NRXN1: variants seen among roughly 807,000 people sequenced by gnomAD.
NRXN1 encodes neurexin 1.
In NRXN1, 39 loss-of-function variants were observed where a neutral mutation model predicts 150.9. That is an observed-to-expected ratio of 0.26 (90% CI 0.20 to 0.34). The LOEUF is 0.34. Ranked by LOEUF, NRXN1 falls within the 10% of genes least tolerant of loss-of-function variation. The pLI, the probability that NRXN1 is intolerant of heterozygous loss-of-function variation, is 1.00. For missense variants in NRXN1, 1,815 were observed against 1,949.9 expected (o/e 0.93, Z 1.30); for synonymous variants, 924 against 757.0 (o/e 1.22, Z -3.62).
chr2:50,221,600 G>A (rs1290191247), intron 18 of NRXN1, among the ~76,000 whole-genome samples: 1 of 151,942 alleles, frequency 6.6e-6, no homozygotes, highest in Non-Finnish European at 1.5e-5. Flanking sequence ...TTAAAAAAAA[G>A]TTCTTTAATT....
intron 12 of NRXN1, among the ~76,000 whole-genome samples, chr2:50,522,387 G>T (rs2092812186): frequency 6.6e-6 from 1 of 152,140 alleles, no homozygotes; most frequent in Admixed American, 6.5e-5. Context: ...CAAGAATGTT[G>T]CATTACTTTG....
rs562807835 is a variant in NRXN1, at chr2:50,021,222, G to A, written c.4128+32049C>T. ...TAGTGCTAATGTGAAATATCTGCTG[G>A]GATTTTTAGTACAGGTTGTTTTTAT... is the stretch of plus-strand genomic sequence containing the variant. On this transcript the variant is annotated intron_variant, in intron 21 of 22. Transcript: ENST00000401669. Among the ~76,000 whole-genome samples the A allele has an allele frequency of 7.9e-5, 12 of 152,176 alleles. No individual in the cohort carries two copies. The South Asian group carries it at 2.5e-3, about 32-fold the overall frequency.
chr2:50,867,004 A>T (rs2106071326), intron 5 of NRXN1, among the ~76,000 whole-genome samples: 1 of 152,040 alleles, frequency 6.6e-6, no homozygotes, highest in Admixed American at 6.6e-5. Context: ...AATAATAATG[A>T]AATAAACTAC....
chr2:50,543,158 C>T lies in NRXN1; in HGVS notation c.1760-4522G>A, dbSNP rs372171310. 1.8e-4 allele frequency among the ~76,000 whole-genome samples: 28 copies of T among 152,192 alleles called. No homozygotes were observed. In the East Asian group the frequency reaches 4.2e-3, roughly 23 times the overall value. ...ATATATTAATGGGTCATCCCTCTATCTTTTTCCAGGAACCACAAATACTGA... is the reference window on the plus strand; with the variant it reads ...ATATATTAATGGGTCATCCCTCTATTTTTTTCCAGGAACCACAAATACTGA... On this transcript the variant is annotated intron_variant, in intron 9 of 22. Transcript: ENST00000401669.
chr2:50,627,395 G>A (rs202009947), intron 5 of NRXN1, among the ~76,000 whole-genome samples: 18 of 138,686 alleles, frequency 1.3e-4, no homozygotes, highest in African/African-American at 4.8e-4. Flanking sequence ...GTGTGTGTGT[G>A]CGCATACTAA....
chr2:50,630,353 G>A (rs145618907), intron 5 of NRXN1, among the ~76,000 whole-genome samples: 2 of 151,604 alleles, frequency 1.3e-5, no homozygotes, highest in Non-Finnish European at 3.0e-5. Context: ...GAAAAAAAAT[G>A]TTAAACAAAG....
At chr2:50,057,880 G>T (rs1693891292) in intron 19 of NRXN1, among the ~76,000 whole-genome samples, 2 of 151,998 alleles carry the variant, frequency 1.3e-5, no homozygotes, top group South Asian at 4.1e-4. Flanking sequence ...TCACTGATTT[G>T]AACATCTCTA....
intron 18 of NRXN1, among the ~76,000 whole-genome samples, chr2:50,176,250 G>A (rs772897768): frequency 1.3e-5 from 2 of 152,066 alleles, no homozygotes; most frequent in Non-Finnish European, 2.9e-5. Flanking sequence ...AAATTTTTTA[G>A]CTCAATTTCT....
At chr2:50,694,788 T>C (rs1692576904) in intron 5 of NRXN1, among the ~76,000 whole-genome samples, 1 of 152,154 alleles carries the variant, frequency 6.6e-6, no homozygotes, top group East Asian at 1.9e-4. Flanking sequence ...ATCCAGAAAA[T>C]GCTCTCTGGA....
intron 2 of NRXN1, among the ~76,000 whole-genome samples, chr2:50,981,384 G>A (rs1000373950): frequency 4.7e-5 from 7 of 148,562 alleles, no homozygotes; most frequent in African/African-American, 1.7e-4. Context: ...CTTGAACGCA[G>A]GAGGCAGAGG....
intron 21 of NRXN1, among the ~76,000 whole-genome samples, chr2:49,949,652 G>A (rs1357847351): frequency 6.6e-6 from 1 of 151,750 alleles, no homozygotes; most frequent in Non-Finnish European, 1.5e-5. Flanking sequence ...TTAATTGAAA[G>A]TTTATTTCTA....
chr2:50,285,948 A>G (rs891650673), intron 17 of NRXN1, among the ~76,000 whole-genome samples: 4 of 152,110 alleles, frequency 2.6e-5, no homozygotes, highest in Non-Finnish European at 5.9e-5. Context: ...GAATAATAGA[A>G]AATTTTAACA....
intron 18 of NRXN1, among the ~76,000 whole-genome samples, chr2:50,213,089 TG>T (rs2063147978): frequency 6.6e-6 from 1 of 151,906 alleles, no homozygotes; most frequent in African/African-American, 2.4e-5. Context: ...AGGAGCTGGT[TG>T]TTGTCTTTGA....
chr2:50,575,814 T>C lies in NRXN1; in HGVS notation c.1321-22789A>G, dbSNP rs539254564. On this transcript the variant is annotated intron_variant, in intron 8 of 22. Transcript: ENST00000401669. ...ATGCATTAATAGTCATGCTTCCCTTTTACAGTAGAGCTATTTCATCACAAC... is the reference window on the plus strand; with the variant it reads ...ATGCATTAATAGTCATGCTTCCCTTCTACAGTAGAGCTATTTCATCACAAC... Among the ~76,000 whole-genome samples, 7 of 152,266 alleles carry C rather than the reference T, an allele frequency of 4.6e-5. No homozygotes were observed. In the South Asian group the frequency reaches 1.4e-3, roughly 32 times the overall value.
intron 2 of NRXN1, among the ~76,000 whole-genome samples, chr2:50,971,981 T>A (rs548969623): frequency 6.6e-6 from 1 of 152,222 alleles, no homozygotes; most frequent in South Asian, 2.1e-4. Flanking sequence ...TATACATCAC[T>A]TCCTTCACAA....
intron 21 of NRXN1, chr2:50,023,046 G>A (rs548987853): frequency 6.6e-6 from 1 of 152,292 alleles, no homozygotes; most frequent in African/African-American, 2.4e-5. Context: ...GATACCCAGG[G>A]AAGAAACAAG....
intron 5 of NRXN1, among the ~76,000 whole-genome samples, chr2:50,681,713 C>T (rs1214627791): frequency 6.6e-6 from 1 of 152,088 alleles, no homozygotes; most frequent in African/African-American, 2.4e-5. Context: ...AGAAGCTTTG[C>T]TTTGTTGAAC....
chr2:50,362,915 A>G (rs2079324142), intron 17 of NRXN1, among the ~76,000 whole-genome samples: 1 of 152,174 alleles, frequency 6.6e-6, no homozygotes, highest in South Asian at 2.1e-4. Context: ...GGAATAGAAT[A>G]GAGGCCTCAG....
chr2:50,467,550 A>G (rs2089025002), intron 16 of NRXN1, among the ~76,000 whole-genome samples: 1 of 151,518 alleles, frequency 6.6e-6, no homozygotes, highest in Non-Finnish European at 1.5e-5. Flanking sequence ...CATTTGTATT[A>G]TAAATTTTTA....
Sources: gnomAD v4.1 joint callset for allele counts (sites outside exome capture counted in the v4.1 genomes callset) on GRCh38, gnomAD v4.1.1 for gene constraint, MANE v1.5 for transcripts, NCBI Gene and HGNC (gene_info 2026-07-23, HGNC 2026-07-21) for gene names.